Variants in TRPM3 observed in about 807,000 individuals in gnomAD.
The protein encoded by TRPM3 is long transient receptor potential channel 3.
TRPM3 carries 77 observed loss-of-function variants against 181.2 expected under a neutral mutation model. The observed-to-expected ratio is 0.42, with a 90% CI of 0.35 to 0.51. The LOEUF (loss-of-function observed/expected upper bound fraction) is 0.51. Among genes scored for constraint, TRPM3 ranks in the 20% least tolerant of loss-of-function variants. The pLI, the probability that TRPM3 is intolerant of heterozygous loss-of-function variation, is 0.01. For synonymous variants in TRPM3, 745 were observed against 796.4 expected, an observed-to-expected ratio of 0.94 and a Z score of 1.09; for missense variants, 1,759 against 2,196.7, an observed-to-expected ratio of 0.80 and a Z score of 3.98.
At chr9:71,339,075 G>A (rs1376468835) in intron 1 of TRPM3, among the ~76,000 whole-genome samples, 1 of 151,896 alleles carries the variant, frequency 6.6e-6, no homozygotes, top group Non-Finnish European at 1.5e-5. Flanking sequence ...TACAGAGTAA[G>A]ACAAAATGCA....
At chr9:71,200,227 G>T (rs2078687020) in intron 1 of TRPM3, among the ~76,000 whole-genome samples, 2 of 151,936 alleles carry the variant, frequency 1.3e-5, no homozygotes, top group South Asian at 4.2e-4. Flanking sequence ...ATTGCACTGT[G>T]GTCTGAGAGA....
chr9:71,160,490 A>C (rs1369869061), intron 1 of TRPM3, among the ~76,000 whole-genome samples: 4 of 152,090 alleles, frequency 2.6e-5, no homozygotes, highest in Admixed American at 6.6e-5. Context: ...CCACGTCATA[A>C]CACCTCTGCC....
At chr9:70,606,651 G>GTGTGTATATATATATATATA (rs145779027) in intron 19 of TRPM3, among the ~76,000 whole-genome samples, 1 of 140,682 alleles carries the variant, frequency 7.1e-6, no homozygotes, top group African/African-American at 2.6e-5. Context: ...GTGTGTGTGT[G>GTGTGTATATATATATATATA]TATATATATA....
chr9:70,984,744 G>A (rs748195659), intron 1 of TRPM3, among the ~76,000 whole-genome samples: 8 of 152,168 alleles, frequency 5.3e-5, no homozygotes, highest in Non-Finnish European at 1.2e-4. Flanking sequence ...CCTCCAGAAG[G>A]AACAAGCCCT....
intron 1 of TRPM3, among the ~76,000 whole-genome samples, chr9:70,945,382 G>T (rs1377302247): frequency 1.3e-5 from 2 of 152,058 alleles, no homozygotes; most frequent in South Asian, 2.1e-4. Context: ...TAAGGTAGTT[G>T]GTCTGTTATA....
chr9:71,283,392 G>A (rs2085008798), intron 1 of TRPM3, among the ~76,000 whole-genome samples: 8 of 152,102 alleles, frequency 5.3e-5, no homozygotes, highest in Admixed American at 3.3e-4. Context: ...TGCCTCCCGG[G>A]TTCACGCCAT....
At chr9:70,788,518 G>T (rs2084500995) in intron 6 of TRPM3, among the ~76,000 whole-genome samples, 1 of 152,004 alleles carries the variant, frequency 6.6e-6, no homozygotes, top group African/African-American at 2.4e-5. Flanking sequence ...TATAGCAGTG[G>T]TCTCCAACCT....
chr9:71,005,860 A>G (rs2134291392), intron 1 of TRPM3, among the ~76,000 whole-genome samples: 1 of 152,356 alleles, frequency 6.6e-6, no homozygotes, highest in Middle Eastern at 3.4e-3. Context: ...AAGTAAGAAT[A>G]CAGACAAATT....
chr9:71,304,806 G>C (rs2132352454), intron 1 of TRPM3, among the ~76,000 whole-genome samples: 1 of 152,288 alleles, frequency 6.6e-6, no homozygotes, highest in African/African-American at 2.4e-5. Flanking sequence ...TGTATAGACG[G>C]AACAGATTAT....
chr9:70,549,514 G>T, intron 25 of TRPM3, 28 bp downstream of exon 25: 2 of 1,597,036 alleles, frequency 1.3e-6, no homozygotes, highest in East Asian at 2.2e-5. Context: ...CAACACATCT[G>T]CAGGAGGCAG....
chr9:71,415,875 TGAG>T (rs2093629601), intron 1 of TRPM3, among the ~76,000 whole-genome samples: 1 of 151,892 alleles, frequency 6.6e-6, no homozygotes, highest in African/African-American at 2.4e-5. Flanking sequence ...AAAAAAAATG[TGAG>T]AAGATTATTT....
chr9:71,327,470 A>G (rs889078477), intron 1 of TRPM3, among the ~76,000 whole-genome samples: 2 of 152,150 alleles, frequency 1.3e-5, no homozygotes, highest in African/African-American at 4.8e-5. Flanking sequence ...TGTTATATGC[A>G]CTTATGAGTC....
chr9:71,333,221 A>C (rs1276636287), intron 1 of TRPM3, among the ~76,000 whole-genome samples: 1 of 151,972 alleles, frequency 6.6e-6, no homozygotes, highest in Non-Finnish European at 1.5e-5. Flanking sequence ...TCTGAACCAG[A>C]GAGTTCATGA....
At chr9:71,125,371 C>G (rs369279611), upstream of TRPM3, among the ~76,000 whole-genome samples, 25 of 152,164 alleles carry the variant, frequency 1.6e-4, no homozygotes, top group African/African-American at 5.5e-4. Context: ...AACAGGCCCC[C>G]GTATGTGTTG....
intron 1 of TRPM3, among the ~76,000 whole-genome samples, chr9:70,905,963 C>A (rs1473552622): frequency 6.6e-6 from 1 of 152,096 alleles, no homozygotes; most frequent in Non-Finnish European, 1.5e-5. Context: ...GGCCTGCAAT[C>A]CTCCTGCCTC....
chr9:71,419,145 C>T (rs1257075657), intron 1 of TRPM3, among the ~76,000 whole-genome samples: 1 of 151,712 alleles, frequency 6.6e-6, no homozygotes, highest in Non-Finnish European at 1.5e-5. Context: ...ACTGTGTCTA[C>T]TTACTAGGGC....
intron 9 of TRPM3, among the ~76,000 whole-genome samples, chr9:70,641,097 T>G (rs1029323219): frequency 6.6e-6 from 1 of 152,160 alleles, no homozygotes; most frequent in African/African-American, 2.4e-5. Flanking sequence ...TCTCCAGACA[T>G]TGCCAAATGC....
At chr9:71,125,211 T>A (rs2073956903), upstream of TRPM3, among the ~76,000 whole-genome samples, 1 of 151,472 alleles carries the variant, frequency 6.6e-6, no homozygotes, top group Non-Finnish European at 1.5e-5. Flanking sequence ...AATATTTTAT[T>A]TTACTTTAAG....
intron 14 of TRPM3, among the ~76,000 whole-genome samples, chr9:70,623,190 C>A (rs536078387): frequency 6.6e-6 from 1 of 151,964 alleles, no homozygotes; most frequent in Non-Finnish European, 1.5e-5. Context: ...CATGGCGAAA[C>A]CCCTTCTCTA....
Sources: allele counts gnomAD v4.1 joint callset (sites outside exome capture counted in the v4.1 genomes callset), GRCh38; gene constraint gnomAD v4.1.1; transcripts MANE v1.5; gene names NCBI Gene and HGNC (gene_info 2026-07-23, HGNC 2026-07-21).